The following CAD variants were observed in gnomAD, a reference collection of about 807,000 sequenced individuals.
CAD encodes the protein multifunctional protein CAD.
CAD carries 81 observed loss-of-function variants against 237.2 expected under a neutral mutation model. The observed-to-expected ratio is 0.34, with a 90% CI of 0.29 to 0.41. The LOEUF (loss-of-function observed/expected upper bound fraction) is 0.41. Among genes scored for constraint, CAD ranks in the 10% least tolerant of loss-of-function variants. The pLI is 1.00. For missense variants in CAD, 2,181 were observed against 2,951.7 expected (o/e 0.74, Z 6.05); for synonymous variants, 1,196 against 1,162.8 (o/e 1.03, Z -0.58).
Position 27,234,241 on chromosome 2 carries a change from G to T in CAD, c.3618+15G>T, listed in dbSNP as rs778312421. On this transcript the variant is annotated intron_variant, in intron 22 of 43. Transcript: ENST00000264705. ...TCATTGCCAAGGTAATAAGGCTAAAGGAAAGAACTAAAGGGCCACAGCTCT... is the reference window on the plus strand; with the variant it reads ...TCATTGCCAAGGTAATAAGGCTAAATGAAAGAACTAAAGGGCCACAGCTCT... The T allele has an allele frequency of 1.9e-6, 3 of 1,608,692 alleles. No homozygotes were observed. The highest frequency in any genetic ancestry group is 2.2e-5 in the South Asian group (2 of 90,980).
Position 27,238,451 on chromosome 2 carries a change from A to G in CAD, c.4881A>G (p.Ala1627=). The part of the protein sequence containing the change: ...RKEEILLIKA[A]KARGLPVTCE... Reference sequence around the variant, plus strand: ...CCCAGATCCTGCTAATTAAAGCTGCAAAGGCACGGGGCTTGCCAGTGACCT... The same window carrying G: ...CCCAGATCCTGCTAATTAAAGCTGCGAAGGCACGGGGCTTGCCAGTGACCT... The change falls in exon 31 of 44, where the codon GCA becomes GCG. Residue 1627 remains alanine (A), a synonymous_variant. Coordinates refer to ENST00000264705, the MANE Select transcript of CAD (RefSeq NM_004341.5). 1 of 1,586,684 alleles carries G rather than the reference A, an allele frequency of 6.3e-7. No homozygotes were observed. Among genetic ancestry groups the G allele is most frequent in the South Asian group, 1.1e-5 (1 of 87,148 alleles).
chr2:27,234,802 G>C, intron 23 of CAD, 117 bp downstream of exon 23: 3 of 981,672 alleles, frequency 3.1e-6, no homozygotes, highest in Non-Finnish European at 4.6e-6. Flanking sequence ...GCCGGATCGT[G>C]GGGGTAATGA....
In CAD at chr2:27,239,495, T is replaced by C; in HGVS notation, c.5394+24T>C. 6.2e-7 allele frequency: 1 copy of C among 1,610,684 alleles called. No homozygotes were observed. Among genetic ancestry groups the C allele is most frequent in the Non-Finnish European group, 8.5e-7 (1 of 1,177,972 alleles). ...AGGTACGCAAGTAGCCCCTGCCTGA[T>C]CTCAGTAGTGCCCTCTTCTGCACCA... is the stretch of plus-strand genomic sequence containing the variant. On this transcript the variant is annotated intron_variant, in intron 33 of 43. Coordinates refer to ENST00000264705, the MANE Select transcript of CAD (RefSeq NM_004341.5). This position sits in a 1 kb window ranked among gnomAD's most constrained non-coding sequence, Gnocchi z 4.0.
chr2:27,242,305 G>A lies in CAD; in HGVS notation c.6100G>A (p.Ala2034Thr), dbSNP rs753392698. 1 of 1,604,430 alleles carries A rather than the reference G, an allele frequency of 6.2e-7. No individual in the cohort carries two copies. Among genetic ancestry groups the A allele is most frequent in the South Asian group, 1.1e-5 (1 of 90,516 alleles). Residue 2034 changes from alanine to threonine, a missense_variant, in exon 40 of 44, where the codon GCC (alanine) becomes ACC (threonine). Physicochemically the swap from Ala to Thr is moderately conservative, Grantham distance 58. Transcript: ENST00000264705. This position sits in a 1 kb window ranked among gnomAD's most constrained non-coding sequence, Gnocchi z 6.4. ...RHPQPGAVELAAKHCRRPVIN... is the reference protein window; with the variant it reads ...RHPQPGAVELTAKHCRRPVIN... ...AGGATTTTCCCCTTTTTTCCAGCTG[G>A]CCGCCAAGCACTGCCGGAGGCCAGT...
chr2:27,233,060 A>G lies in CAD; in HGVS notation c.2911A>G (p.Met971Val). Reference protein sequence around the residue: ...QLRKMGYKTIMVNYNPETVST... With the variant: ...QLRKMGYKTIVVNYNPETVST... The stretch of plus-strand genomic sequence containing the variant: ...CTTGCAGATGGGATATAAGACCATC[A>G]TGGTGAACTATAACCCAGAGACAGT... The change falls in exon 19 of 44, where the codon ATG becomes GTG. Residue 971 changes from methionine (M) to valine (V), a missense_variant. By Grantham distance (21) the Met-to-Val change is conservative. This residue lies in a region of CAD where 385 missense variants were observed against 535.1 expected (regional missense o/e 0.72). Transcript: ENST00000264705. The surrounding 1 kb of genome is among the most constrained non-coding windows in gnomAD (Gnocchi z 6.3). 1.2e-6 allele frequency: 2 copies of G among 1,609,572 alleles called. No individual in the cohort carries two copies. Among genetic ancestry groups the G allele is most frequent in the Non-Finnish European group, 1.7e-6 (2 of 1,175,914 alleles).
intron 5 of CAD, 77 bp downstream of exon 5, chr2:27,222,737 A>G: frequency 6.3e-7 from 1 of 1,586,212 alleles, no homozygotes; most frequent in Non-Finnish European, 8.6e-7. Context: ...CAATTGCTAA[A>G]AGTCAGTAGG....
In CAD at chr2:27,240,761, C is replaced by T; in HGVS notation, c.5594-150C>T. ...AGCCACCTGTCTGTCCCCAGAGCTG[C>T]TGCAGTCCCCTGCCCTCCCCTAACC... On this transcript the variant is annotated intron_variant, in intron 35 of 43. Transcript: ENST00000264705. The surrounding 1 kb of genome is among the most constrained non-coding windows in gnomAD (Gnocchi z 4.6). 1 of 1,150,204 alleles carries T rather than the reference C, an allele frequency of 8.7e-7. No homozygotes were observed. The highest frequency in any genetic ancestry group is 2.0e-5 in the Admixed American group (1 of 48,832). The allele number at this position is 1,150,204 out of a possible 1,614,324, so 71.2% of individuals were successfully genotyped here. A position where few individuals can be genotyped will look rare whatever the true frequency, so the allele number is the denominator to read the frequency against.
chr2:27,217,776 AC>A (rs1674940958), intron 1 of CAD, 100 bp from the exon 2 acceptor site: 1 of 1,460,840 alleles, frequency 6.8e-7, no homozygotes, highest in South Asian at 1.3e-5. Flanking sequence ...AGCGCCATAA[AC>A]CCCTCGCGAC....
Position 27,222,508 on chromosome 2 carries a change from C to CT in CAD, c.496-10dup. 4 of 1,612,546 alleles carry CT rather than the reference C, an allele frequency of 2.5e-6. No homozygotes were observed. The highest frequency in any genetic ancestry group is 3.4e-6 in the Non-Finnish European group (4 of 1,178,730). ...CTGCCAACTGTTGCCCTTTATTCGT[C>CT]TATTTCTCAGACTCCACGGGTATTC... On this transcript the variant is annotated splice_polypyrimidine_tract_variant and intron_variant, in intron 4 of 43. Coordinates refer to ENST00000264705, the MANE Select transcript of CAD (RefSeq NM_004341.5).
rs759739691 is a variant in CAD, at chr2:27,232,102, G to A, written c.2523G>A (p.Lys841=). ...RIDRWFLHRM[K]RIIAHAQLLE... is the part of the protein sequence containing the mutation. ...ACCGCTGGTTCCTGCACCGAATGAA[G>A]CGTATCATCGCACATGCCCAGCTGC... is the stretch of plus-strand genomic sequence containing the variant. Residue 841 remains lysine, a synonymous_variant, in exon 17 of 44, where the codon AAG becomes AAA. Coordinates refer to ENST00000264705, the MANE Select transcript of CAD (RefSeq NM_004341.5). This position sits in a 1 kb window ranked among gnomAD's most constrained non-coding sequence, Gnocchi z 4.1. 6.2e-6 allele frequency: 10 copies of A among 1,614,122 alleles called. 1 individual carries two copies. The South Asian group carries it at 9.9e-5, about 16-fold the overall frequency.
At position 27,237,551 on chromosome 2, in the gene CAD, C is replaced by T. The variant is rs1480235397; in HGVS notation, c.4563+6C>T. 2 of 1,611,318 alleles carry T rather than the reference C, an allele frequency of 1.2e-6. No homozygotes were observed. Among genetic ancestry groups the T allele is most frequent in the South Asian group, 2.2e-5 (2 of 90,900 alleles). ...CTCTGGCCCTGGCCCAGAAGGTGAG[C>T]CACTGCACTCTTCCTGGTATTGGAG... On this transcript the variant is annotated splice_donor_region_variant and intron_variant, in intron 28 of 43. Coordinates refer to ENST00000264705, the MANE Select transcript of CAD (RefSeq NM_004341.5). This position sits in a 1 kb window ranked among gnomAD's most constrained non-coding sequence, Gnocchi z 4.0.
chr2:27,221,698 A>G (rs1675173324), intron 3 of CAD, among the ~76,000 whole-genome samples: 1 of 151,598 alleles, frequency 6.6e-6, no homozygotes, highest in African/African-American at 2.4e-5. Flanking sequence ...GTCATACACT[A>G]AAAAAATTAA....
rs904405563 is a variant in CAD, at chr2:27,235,877, A to G, written c.4074+237A>G. The G allele has an allele frequency of 5.3e-5, 26 of 492,414 alleles. No individual in the cohort carries two copies. Among genetic ancestry groups the G allele is most frequent in the Non-Finnish European group, 9.3e-5 (26 of 278,410 alleles). The allele number at this position is 492,414 out of a possible 1,614,324, so 30.5% of individuals were successfully genotyped here. A position where few individuals can be genotyped will look rare whatever the true frequency, so the allele number is the denominator to read the frequency against. On this transcript the variant is annotated intron_variant, in intron 25 of 43. Coordinates refer to ENST00000264705, the MANE Select transcript of CAD (RefSeq NM_004341.5). This position sits in a 1 kb window ranked among gnomAD's most constrained non-coding sequence, Gnocchi z 5.2. ...GGAAACAGTGAGATGCTGTCTCAAA[A>G]AAAAAAAAAACAAAGAATTATCTCC...
chr2:27,217,724 C>T (rs1022872357), intron 1 of CAD, 91 bp downstream of exon 1: 33 of 1,426,830 alleles, frequency 2.3e-5, no homozygotes, highest in Admixed American at 1.8e-4. Context: ...GCCATTTTCC[C>T]GCCAGCGTAC....
chr2:27,237,847 G>A lies in CAD; in HGVS notation c.4693G>A (p.Glu1565Lys). 6.2e-7 allele frequency: 1 copy of A among 1,613,836 alleles called. No homozygotes were observed. ...LKLYLNETFSELRLDSVVQWM... is the reference protein window; with the variant it reads ...LKLYLNETFSKLRLDSVVQWM... ...GCTTTACCTCAATGAGACCTTCTCTGAGCTGCGGCTGGACAGCGTGGTCCA... is the reference window on the plus strand; with the variant it reads ...GCTTTACCTCAATGAGACCTTCTCTAAGCTGCGGCTGGACAGCGTGGTCCA... The change falls in exon 29 of 44, where the codon GAG becomes AAG. Residue 1565 changes from glutamate (E) to lysine (K), a missense_variant. Glu to Lys is a moderately conservative substitution (Grantham distance 56). This residue lies in a region of CAD where 478 missense variants were observed against 515.0 expected (regional missense o/e 0.93). Coordinates refer to ENST00000264705, the MANE Select transcript of CAD (RefSeq NM_004341.5). This position sits in a 1 kb window ranked among gnomAD's most constrained non-coding sequence, Gnocchi z 4.0.
rs781539020 is a variant in CAD at position 27,222,370 on chromosome 2, C to G, written c.495+34C>G. On this transcript the variant is annotated intron_variant, in intron 4 of 43. Coordinates refer to ENST00000264705, the MANE Select transcript of CAD (RefSeq NM_004341.5). ...GTAGAGTGGGAGAGTGTTGCAAGCTCTAGCACAGTAGTTATATTCTGCCCA... is the reference window on the plus strand; with the variant it reads ...GTAGAGTGGGAGAGTGTTGCAAGCTGTAGCACAGTAGTTATATTCTGCCCA... The G allele has an allele frequency of 2.5e-5, 40 of 1,596,336 alleles. No individual in the cohort carries two copies. In the Admixed American group the frequency reaches 6.7e-4, roughly 27 times the overall value.
intron 2 of CAD, among the ~76,000 whole-genome samples, chr2:27,220,374 G>A (rs1204455890): frequency 2.0e-5 from 3 of 152,164 alleles, no homozygotes; most frequent in South Asian, 2.1e-4. Flanking sequence ...GAGGCGGGGC[G>A]CGGTAGCTCA....
chr2:27,235,942 T>C lies in CAD; in HGVS notation c.4074+302T>C. 2 of 489,694 alleles carry C rather than the reference T, an allele frequency of 4.1e-6. No homozygotes were observed. Among genetic ancestry groups the C allele is most frequent in the South Asian group, 2.7e-5 (1 of 37,138 alleles). The allele number at this position is 489,694 out of a possible 1,614,324, so 30.3% of individuals were successfully genotyped here. On this transcript the variant is annotated intron_variant, in intron 25 of 43. Coordinates refer to ENST00000264705, the MANE Select transcript of CAD (RefSeq NM_004341.5). This position sits in a 1 kb window ranked among gnomAD's most constrained non-coding sequence, Gnocchi z 5.2. ...TATTATTACCATTATACTAGTAAGC[T>C]ATATTCCATGCAGAAAGCAGAATAC...
chr2:27,231,396 G>A, intron 15 of CAD, 72 bp from the exon 16 acceptor site: 1 of 832,762 alleles, frequency 1.2e-6, no homozygotes, highest in South Asian at 1.4e-5. Flanking sequence ...TAAACCATAA[G>A]CATTATGGGC....
Sources: gnomAD v4.1 joint callset for allele counts (sites outside exome capture counted in the v4.1 genomes callset) on GRCh38, gnomAD v4.1.1 for gene constraint, gnomAD v4.1.1 regional missense constraint, Gnocchi (gnomAD v3.1) non-coding constraint, MANE v1.5 for transcripts, NCBI Gene and HGNC (gene_info 2026-07-23, HGNC 2026-07-21) for gene names.